Variants in MOV10L1 observed in about 807,000 individuals in gnomAD.
MOV10L1 encodes the protein RNA helicase Mov10l1.
MOV10L1 carries 110 observed loss-of-function variants against 143.8 expected under a neutral mutation model. That is an observed-to-expected ratio of 0.76 (90% CI 0.66 to 0.90). MOV10L1 has a LOEUF of 0.90. Among genes scored for constraint, MOV10L1 ranks in the 40% least tolerant of loss-of-function variants. MOV10L1 has a pLI of 0.00. For synonymous variants in MOV10L1, 593 were observed against 581.1 expected, an observed-to-expected ratio of 1.02 and a Z score of -0.29; for missense variants, 1,406 against 1,526.8, an observed-to-expected ratio of 0.92 and a Z score of 1.32.
intron 1 of MOV10L1, chr22:50,090,418 C>A: frequency 6.3e-7 from 1 of 1,584,634 alleles, no homozygotes; most frequent in Non-Finnish European, 8.6e-7. Flanking sequence ...TGACACCAGC[C>A]CCTCTTCCCG....
At chr22:50,131,862 G>A (rs936137043) in intron 13 of MOV10L1, among the ~76,000 whole-genome samples, 1 of 152,188 alleles carries the variant, frequency 6.6e-6, no homozygotes, top group Non-Finnish European at 1.5e-5. Context: ...CACTCAGGCT[G>A]CATTAGCATA....
At chr22:50,146,817 T>C in intron 19 of MOV10L1, 1 of 455,416 alleles carries the variant, frequency 2.2e-6, no homozygotes, top group Non-Finnish European at 4.1e-6. Context: ...TTTAACTCTC[T>C]CACATACATG....
In MOV10L1 at chr22:50,134,513, A is replaced by AT. The variant is rs1173606023; in HGVS notation, c.1970-11dup. ...TTTTAGTTATACCCGTGCTCTTACC[A>AT]TTTTTTGTTTTAAAAGTGTTGTTTC... On this transcript the variant is annotated splice_polypyrimidine_tract_variant and intron_variant, in intron 14 of 26. Coordinates refer to ENST00000262794, the MANE Select transcript of MOV10L1 (RefSeq NM_018995.3). 2 of 1,610,402 alleles carry AT rather than the reference A, an allele frequency of 1.2e-6. No individual in the cohort carries two copies. The highest frequency in any genetic ancestry group is 2.2e-5 in the South Asian group (2 of 90,996).
chr22:50,142,665 T>TA (rs547890389), intron 16 of MOV10L1, among the ~76,000 whole-genome samples: 8,940 of 140,524 alleles, frequency 0.064, 308 homozygotes, highest in African/African-American at 0.095. Flanking sequence ...CTTGTCTCTA[T>TA]AAAAAAAAAA....
intron 18 of MOV10L1, among the ~76,000 whole-genome samples, chr22:50,144,574 T>A (rs1005704208): frequency 1.4e-5 from 2 of 140,986 alleles, no homozygotes; most frequent in African/African-American, 5.0e-5. Flanking sequence ...TTTGGTGTTT[T>A]TTGTTTTGTT....
At chr22:50,144,592 T>G (rs73187209) in intron 18 of MOV10L1, among the ~76,000 whole-genome samples, 42,307 of 142,326 alleles carry the variant, frequency 0.3, 7,181 homozygotes, top group Non-Finnish European at 0.41. Context: ...GTTTTGTTTT[T>G]TTTTTTTGAG....
intron 13 of MOV10L1, among the ~76,000 whole-genome samples, chr22:50,133,454 TAA>T (rs138255): frequency 1.3e-3 from 163 of 127,216 alleles, no homozygotes; most frequent in African/African-American, 3.2e-3. Flanking sequence ...GCAGAGTCTC[TAA>T]AAAAAAAAAA....
At chr22:50,110,207 T>C (rs1374646290) in intron 5 of MOV10L1, among the ~76,000 whole-genome samples, 1 of 151,976 alleles carries the variant, frequency 6.6e-6, no homozygotes, top group African/African-American at 2.4e-5. Context: ...ACCAGCACTT[T>C]GGGAGGCCGA....
At position 50,118,895 on chromosome 22, in the gene MOV10L1, G is replaced by A. The variant is rs537441009; in HGVS notation, c.1454+1544G>A. On this transcript the variant is annotated intron_variant, in intron 9 of 26. Transcript: ENST00000262794. ...TTGTTTCTTATCACCCATCCTGCAG[G>A]CTCAAGAATTTCTGTTAGTCATCGG... Among the ~76,000 whole-genome samples, 620 of 152,260 alleles carry A rather than the reference G, an allele frequency of 4.1e-3. 5 individuals carry two copies. Among genetic ancestry groups the A allele is most frequent in the African/African-American group, 0.014 (568 of 41,556 alleles).
intron 10 of MOV10L1, 77 bp from the exon 11 acceptor site, chr22:50,125,315 T>G (rs1032313645): frequency 1.4e-6 from 2 of 1,453,042 alleles, no homozygotes; most frequent in South Asian, 2.5e-5. Context: ...CTGTTGGAAC[T>G]TTCCTGCTCC....
chr22:50,125,983 G>A (rs1232472420), intron 11 of MOV10L1, among the ~76,000 whole-genome samples: 1 of 151,040 alleles, frequency 6.6e-6, no homozygotes, highest in Non-Finnish European at 1.5e-5. Context: ...TAGTAGAGAT[G>A]AGGTTTCGCC....
Position 50,158,299 on chromosome 22 carries a change from T to C in MOV10L1, c.3216+93T>C. ...TCCACAGAGGCAGGAACAAGCTCCT[T>C]GTGAGCAGCAGCAGGTTTTTAAAGG... On this transcript the variant is annotated intron_variant, in intron 23 of 26. Coordinates refer to ENST00000262794, the MANE Select transcript of MOV10L1 (RefSeq NM_018995.3). The surrounding 1 kb of genome is among the most constrained non-coding windows in gnomAD (Gnocchi z 5.0). 2.0e-6 allele frequency: 3 copies of C among 1,494,494 alleles called. No individual in the cohort carries two copies. The South Asian group carries it at 3.7e-5, about 18-fold the overall frequency. The allele number at this position is 1,494,494 out of a possible 1,614,324, so 92.6% of individuals were successfully genotyped here. A position where few individuals can be genotyped will look rare whatever the true frequency, so the allele number is the denominator to read the frequency against.
At chr22:50,141,708 C>T (rs766956298) in intron 15 of MOV10L1, among the ~76,000 whole-genome samples, 1 of 152,072 alleles carries the variant, frequency 6.6e-6, no homozygotes, top group Non-Finnish European at 1.5e-5. Context: ...CCCGTGAGAC[C>T]CAGAGCCCTG....
At chr22:50,145,905 C>T in intron 19 of MOV10L1, 95 bp downstream of exon 19, 1 of 1,541,226 alleles carries the variant, frequency 6.5e-7, no homozygotes, top group Non-Finnish European at 8.8e-7. Flanking sequence ...GACCCAGAGA[C>T]TCAGTGCTCA....
intron 3 of MOV10L1, among the ~76,000 whole-genome samples, chr22:50,105,973 T>A (rs909415009): frequency 2.0e-5 from 3 of 152,208 alleles, no homozygotes; most frequent in Admixed American, 1.3e-4. Flanking sequence ...TGTCTCAGCT[T>A]CCTGACCTGC....
intron 22 of MOV10L1, among the ~76,000 whole-genome samples, chr22:50,155,163 T>C (rs2063392620): frequency 6.6e-6 from 1 of 152,196 alleles, no homozygotes; most frequent in South Asian, 2.1e-4. Context: ...CAGTCACTTA[T>C]TATTTACAAT....
intron 22 of MOV10L1, among the ~76,000 whole-genome samples, chr22:50,153,463 A>G (rs2063349092): frequency 6.6e-6 from 1 of 152,240 alleles, no homozygotes. Flanking sequence ...GTCACAGCAG[A>G]CAAGCACTGG....
chr22:50,101,131 G>A (rs2061733840), intron 3 of MOV10L1, among the ~76,000 whole-genome samples: 1 of 152,120 alleles, frequency 6.6e-6, no homozygotes, highest in Non-Finnish European at 1.5e-5. Context: ...GCTTTAAGCT[G>A]GGGGGTGGGA....
At chr22:50,146,587 C>T (rs1252720901) in intron 19 of MOV10L1, among the ~76,000 whole-genome samples, 1 of 152,050 alleles carries the variant, frequency 6.6e-6, no homozygotes, top group South Asian at 2.1e-4. Flanking sequence ...GGAAGCCCCA[C>T]CCTCCCTGAC....
Sources: gnomAD v4.1 joint callset for allele counts (sites outside exome capture counted in the v4.1 genomes callset) on GRCh38, gnomAD v4.1.1 for gene constraint, Gnocchi (gnomAD v3.1) non-coding constraint, MANE v1.5 for transcripts, NCBI Gene and HGNC (gene_info 2026-07-23, HGNC 2026-07-21) for gene names.